EML5: variants seen among roughly 807,000 people sequenced by gnomAD.
EML5 encodes echinoderm microtubule-associated protein-like 5.
Under a neutral mutation model 250.0 loss-of-function variants are expected in EML5, and 120 were observed. The ratio of observed to expected loss-of-function variants is 0.48; its 90% CI spans 0.41 to 0.56. The LOEUF is 0.56. Among genes scored for constraint, EML5 ranks in the 20% least tolerant of loss-of-function variants. The pLI is 0.00. For synonymous variants in EML5, 771 were observed against 806.5 expected (o/e 0.96, Z 0.75); for missense variants, 2,006 against 2,437.6 (o/e 0.82, Z 3.73).
At chr14:88,652,008 A>G (rs2091651687) in intron 27 of EML5, among the ~76,000 whole-genome samples, 1 of 152,128 alleles carries the variant, frequency 6.6e-6, no homozygotes, top group Non-Finnish European at 1.5e-5. Flanking sequence ...TCAAACTCAC[A>G]CAACTGGTAA....
intron 8 of EML5, among the ~76,000 whole-genome samples, chr14:88,725,309 A>G: frequency 6.6e-6 from 1 of 152,200 alleles, no homozygotes; most frequent in East Asian, 1.9e-4. Context: ...TGTGAAGTTT[A>G]TATATTATAT....
chr14:88,785,807 T>G (rs1442855955), intron 1 of EML5, among the ~76,000 whole-genome samples: 1 of 152,192 alleles, frequency 6.6e-6, no homozygotes, highest in Non-Finnish European at 1.5e-5. Context: ...TCTCCCTGCT[T>G]CCATCCTGCC....
At chr14:88,701,701 A>G (rs2093213220) in intron 14 of EML5, among the ~76,000 whole-genome samples, 2 of 152,186 alleles carry the variant, frequency 1.3e-5, no homozygotes, top group East Asian at 3.8e-4. Flanking sequence ...TAGAAGGTAT[A>G]TTTACACAGT....
intron 27 of EML5, among the ~76,000 whole-genome samples, chr14:88,653,995 C>T (rs2091758105): frequency 1.3e-5 from 2 of 151,968 alleles, no homozygotes; most frequent in Non-Finnish European, 2.9e-5. Flanking sequence ...AGGGATTCCA[C>T]TTCTGGTTTA....
chr14:88,671,892 A>G (rs1186940866), intron 21 of EML5, among the ~76,000 whole-genome samples: 1 of 152,208 alleles, frequency 6.6e-6, no homozygotes, highest in East Asian at 1.9e-4. Flanking sequence ...GAGCACCCAG[A>G]TTCATAAAAC....
At chr14:88,651,549 T>G (rs2091626941) in intron 27 of EML5, among the ~76,000 whole-genome samples, 1 of 152,084 alleles carries the variant, frequency 6.6e-6, no homozygotes, top group Non-Finnish European at 1.5e-5. Flanking sequence ...AATAAATAAT[T>G]TTTTTAAAAA....
chr14:88,705,759 A>T, intron 11 of EML5, 171 bp from the exon 12 acceptor site: 1 of 677,008 alleles, frequency 1.5e-6, no homozygotes, highest in Non-Finnish European at 2.7e-6. Context: ...TGTACTACAG[A>T]TTATCTTCCT....
chr14:88,731,882 T>C (rs570943797), intron 7 of EML5, among the ~76,000 whole-genome samples: 1 of 152,218 alleles, frequency 6.6e-6, no homozygotes, highest in Non-Finnish European at 1.5e-5. Context: ...GAGAAGTGTC[T>C]GTTCATATCC....
chr14:88,790,420 TAC>T (rs1171262691), intron 1 of EML5, among the ~76,000 whole-genome samples: 2 of 152,228 alleles, frequency 1.3e-5, no homozygotes, highest in Non-Finnish European at 2.9e-5. Context: ...TTACCTTCCT[TAC>T]AGTTTACTGA....
At chr14:88,655,414 A>T (rs1453189272) in intron 27 of EML5, among the ~76,000 whole-genome samples, 1 of 152,080 alleles carries the variant, frequency 6.6e-6, no homozygotes, top group Non-Finnish European at 1.5e-5. Flanking sequence ...TGGGGAAACT[A>T]GCTACCCGTA....
At chr14:88,761,567 G>A (rs571776711) in intron 1 of EML5, among the ~76,000 whole-genome samples, 1 of 152,306 alleles carries the variant, frequency 6.6e-6, no homozygotes, top group African/African-American at 2.4e-5. Context: ...TGGTGTGTAT[G>A]TGCCACATTT....
In EML5 at chr14:88,652,576, C is replaced by G. The variant is rs566978421; in HGVS notation, c.4005-2650G>C. Among the ~76,000 whole-genome samples the G allele has an allele frequency of 2.6e-4, 40 of 152,282 alleles. No individual in the cohort carries two copies. The South Asian group carries it at 7.9e-3, about 30-fold the overall frequency. On this transcript the variant is annotated intron_variant, in intron 27 of 43. Transcript: ENST00000554922. ...AAATTCGCTTGAATTTTCTACAAAT[C>G]CTGTTCAACTGTGAATGAATTCCCT...
chr14:88,698,877 C>T (rs1006191418), intron 14 of EML5, among the ~76,000 whole-genome samples: 2 of 152,020 alleles, frequency 1.3e-5, no homozygotes, highest in African/African-American at 2.4e-5. Flanking sequence ...AAGCACCTTA[C>T]GAACATTGAC....
At chr14:88,704,829 A>G (rs2093285688) in intron 13 of EML5, 31 bp downstream of exon 13, 1 of 1,566,584 alleles carries the variant, frequency 6.4e-7, no homozygotes, top group Non-Finnish European at 8.8e-7. Context: ...CCAAAATTCA[A>G]ACAAATAAAT....
chr14:88,738,704 A>C (rs771133579), intron 6 of EML5, among the ~76,000 whole-genome samples, 175 bp downstream of exon 6: 13 of 152,302 alleles, frequency 8.5e-5, no homozygotes, highest in South Asian at 4.1e-4. Context: ...TAAACTCTTT[A>C]CAGGCAAAAT....
chr14:88,665,564 T>C, intron 21 of EML5, 75 bp from the exon 22 acceptor site: 1 of 1,586,846 alleles, frequency 6.3e-7, no homozygotes, highest in Non-Finnish European at 8.6e-7. Flanking sequence ...TGGTGGCTCA[T>C]GCCTATAATC....
At chr14:88,729,871 T>TTTG (rs565864094) in intron 7 of EML5, among the ~76,000 whole-genome samples, 21,252 of 146,202 alleles carry the variant, frequency 0.15, 2,736 homozygotes, top group African/African-American at 0.33. Context: ...TTGTTTTTTG[T>TTTG]TTTTTTTTTT....
At chr14:88,726,484 T>G in intron 8 of EML5, 57 bp downstream of exon 8, 1 of 1,457,362 alleles carries the variant, frequency 6.9e-7, no homozygotes, top group Non-Finnish European at 9.2e-7. Flanking sequence ...AGAAAATTAC[T>G]TATATTCTGT....
chr14:88,776,771 C>G (rs900376108), intron 1 of EML5, among the ~76,000 whole-genome samples: 1 of 151,672 alleles, frequency 6.6e-6, no homozygotes, highest in Admixed American at 6.6e-5. Context: ...GTCCCAGCTA[C>G]TCAGAAGGCT....
Sources: gnomAD v4.1 joint callset for allele counts (sites outside exome capture counted in the v4.1 genomes callset) on GRCh38, gnomAD v4.1.1 for gene constraint, MANE v1.5 for transcripts, NCBI Gene and HGNC (gene_info 2026-07-23, HGNC 2026-07-21) for gene names.